CCDC141: variants seen among roughly 807,000 people sequenced by gnomAD.
The protein encoded by CCDC141 is coiled-coil domain containing 141.
A neutral mutation model predicts 181.0 loss-of-function variants in CCDC141; 168 were observed. The ratio of observed to expected loss-of-function variants is 0.93; its 90% CI spans 0.82 to 1.05. The LOEUF is 1.05. CCDC141 is among the 50% of genes least tolerant of loss of function. The probability of loss-of-function intolerance (pLI) is 0.00; values close to 1 mark genes in which losing one functional copy is unlikely to be tolerated. For missense variants in CCDC141, 1,902 were observed against 1,788.5 expected (o/e 1.06, Z -1.14); for synonymous variants, 666 against 642.3 (o/e 1.04, Z -0.56).
intron 22 of CCDC141, among the ~76,000 whole-genome samples, chr2:178,842,235 T>C (rs899800379): frequency 6.6e-6 from 1 of 152,222 alleles, no homozygotes; most frequent in Non-Finnish European, 1.5e-5. Flanking sequence ...AATCTGCTTT[T>C]CTTATATCAA....
intron 7 of CCDC141, among the ~76,000 whole-genome samples, chr2:178,907,855 C>T (rs1031094788): frequency 6.6e-6 from 1 of 151,908 alleles, no homozygotes; most frequent in Non-Finnish European, 1.5e-5. Context: ...AAAAATTAGC[C>T]AGGTGTGGTA....
At chr2:178,880,565 T>A (rs1354455425) in intron 11 of CCDC141, among the ~76,000 whole-genome samples, 1 of 152,052 alleles carries the variant, frequency 6.6e-6, no homozygotes, top group African/African-American at 2.4e-5. Flanking sequence ...TAAACAGATA[T>A]GGGAGAGCAT....
At chr2:178,965,821 C>T (rs1264993062) in intron 4 of CCDC141, among the ~76,000 whole-genome samples, 1 of 152,190 alleles carries the variant, frequency 6.6e-6, no homozygotes, top group African/African-American at 2.4e-5. Flanking sequence ...AGTGGTCTGA[C>T]TTAGCAGTTC....
intron 2 of CCDC141, among the ~76,000 whole-genome samples, chr2:179,031,664 C>T (rs927228921): frequency 4.6e-5 from 7 of 152,040 alleles, no homozygotes; most frequent in Non-Finnish European, 1.0e-4. Context: ...ATTTAAATTA[C>T]ATATGCAGCT....
chr2:178,854,959 T>G (rs1213987830), intron 19 of CCDC141, among the ~76,000 whole-genome samples: 1 of 152,226 alleles, frequency 6.6e-6, no homozygotes, highest in South Asian at 2.1e-4. Flanking sequence ...TATCACTTTT[T>G]AAAATAAATA....
At chr2:178,841,775 G>A (rs1300416167) in intron 22 of CCDC141, among the ~76,000 whole-genome samples, 9 of 152,156 alleles carry the variant, frequency 5.9e-5, no homozygotes, top group African/African-American at 2.2e-4. Context: ...CTCCCAAGTA[G>A]CTGGGATTAC....
At chr2:178,873,682 A>G (rs1240646727) in intron 12 of CCDC141, 2 of 152,170 alleles carry the variant, frequency 1.3e-5, no homozygotes, top group East Asian at 1.9e-4. Context: ...GCAGACGAAT[A>G]TTTTGGCCAC....
intron 4 of CCDC141, among the ~76,000 whole-genome samples, chr2:178,970,959 C>A (rs1690858686): frequency 1.3e-5 from 2 of 152,190 alleles, no homozygotes. Flanking sequence ...CCTGTAATCC[C>A]AGCACTTCGG....
At chr2:178,990,025 G>A (rs1691970710) in intron 2 of CCDC141, among the ~76,000 whole-genome samples, 1 of 151,264 alleles carries the variant, frequency 6.6e-6, no homozygotes, top group South Asian at 2.1e-4. Flanking sequence ...TGTAATCCCA[G>A]CTACTCGAGA....
intron 6 of CCDC141, among the ~76,000 whole-genome samples, chr2:178,927,032 G>T (rs539082922): frequency 6.6e-6 from 1 of 152,136 alleles, no homozygotes; most frequent in South Asian, 2.1e-4. Flanking sequence ...TAAAATTTGT[G>T]TAACTATATT....
chr2:178,878,268 C>T (rs1219460890), intron 11 of CCDC141, 125 bp from the exon 12 acceptor site: 3 of 343,950 alleles, frequency 8.7e-6, no homozygotes, highest in Non-Finnish European at 1.5e-5. Flanking sequence ...AATTTGTAAA[C>T]ATATTTATTT....
intron 4 of CCDC141, 145 bp from the exon 5 acceptor site, chr2:178,961,628 C>T (rs1432675577): frequency 5.5e-6 from 4 of 731,352 alleles, no homozygotes; most frequent in Non-Finnish European, 8.5e-6. Context: ...AATATGTAAA[C>T]AGAAACTGCC....
Position 178,834,035 on chromosome 2 carries a change from G to A in CCDC141, c.*138C>T. On this transcript the variant is annotated 3_prime_UTR_variant, in exon 24 of 24. Transcript: ENST00000443758. The stretch of plus-strand genomic sequence containing the variant: ...AAATTTGATTATTTCACCTAGCAGT[G>A]GTATTAGCCAAACAAGTATGGTGAT... The A allele has an allele frequency of 7.3e-6, 6 of 816,544 alleles. No homozygotes were observed. In the South Asian group the frequency reaches 9.3e-5, roughly 13 times the overall value. 50.6% of individuals were successfully genotyped at this position (816,544 alleles called of 1,614,324 possible).
At chr2:178,824,166 C>A in the CCDC141 span, among the ~76,000 whole-genome samples, 2 of 151,848 alleles carry the variant, frequency 1.3e-5, no homozygotes, top group African/African-American at 4.8e-5. Flanking sequence ...ACACACTCTG[C>A]TATATAATTT....
chr2:178,818,467 C>T, the CCDC141 span, among the ~76,000 whole-genome samples: 4 of 152,118 alleles, frequency 2.6e-5, no homozygotes, highest in Non-Finnish European at 4.4e-5. Context: ...TGTGTAGTTC[C>T]CCTCCCTGTG....
At chr2:178,992,491 C>T (rs1692103870) in intron 2 of CCDC141, among the ~76,000 whole-genome samples, 1 of 151,800 alleles carries the variant, frequency 6.6e-6, no homozygotes, top group Non-Finnish European at 1.5e-5. Flanking sequence ...TACTCTAAGA[C>T]ACATTACACA....
chr2:178,981,624 A>ATGTG (rs112793035), intron 2 of CCDC141, among the ~76,000 whole-genome samples: 78 of 128,722 alleles, frequency 6.1e-4, no homozygotes, highest in African/African-American at 2.1e-3. Context: ...GTAGCATTGA[A>ATGTG]TGTGTGTGTG....
chr2:178,978,592 A>G lies in CCDC141; in HGVS notation c.309T>C (p.Asp103=). The change falls in exon 3 of 24, where the codon GAT becomes GAC. Residue 103 remains aspartate, a synonymous_variant. Coordinates refer to ENST00000443758, the MANE Select transcript of CCDC141 (RefSeq NM_173648.4). ...CTTCACCCAGAGTCTCGGCCATGGC[A>G]TCATAGACCTGACTCTGATCCTTGT... The part of the protein sequence containing the change: ...EENKDQSQVY[D]AMAETLGEAW... The G allele has an allele frequency of 2.6e-6, 4 of 1,550,022 alleles. No homozygotes were observed. The highest frequency in any genetic ancestry group is 3.5e-6 in the Non-Finnish European group (4 of 1,146,734).
intron 8 of CCDC141, among the ~76,000 whole-genome samples, chr2:178,889,641 T>C (rs767347821): frequency 3.9e-5 from 6 of 152,162 alleles, no homozygotes; most frequent in Non-Finnish European, 7.3e-5. Flanking sequence ...GGCAAGATCC[T>C]AAATGACCGA....
Sources: allele counts gnomAD v4.1 joint callset (sites outside exome capture counted in the v4.1 genomes callset), GRCh38; gene constraint gnomAD v4.1.1; transcripts MANE v1.5; gene names NCBI Gene and HGNC (gene_info 2026-07-23, HGNC 2026-07-21).